Variants in CLIP2 observed in about 807,000 individuals in gnomAD.
CLIP2 encodes the protein CAP-Gly domain containing linker protein 2.
Under a neutral mutation model 111.7 loss-of-function variants are expected in CLIP2, and 41 were observed. That is an observed-to-expected ratio of 0.37 (90% CI 0.29 to 0.48). The LOEUF is 0.48. Ranked by LOEUF, CLIP2 falls within the 20% of genes least tolerant of loss-of-function variation. CLIP2 has a pLI of 0.99. For missense variants in CLIP2, 1,160 were observed against 1,422.1 expected (o/e 0.82, Z 2.96); for synonymous variants, 660 against 644.2 (o/e 1.02, Z -0.37).
chr7:74,333,393 A>G (rs1296209357), intron 2 of CLIP2, among the ~76,000 whole-genome samples: 1 of 152,036 alleles, frequency 6.6e-6, no homozygotes, highest in Non-Finnish European at 1.5e-5. Context: ...CATGTTGGCC[A>G]GGCTGGTCTC....
intron 13 of CLIP2, among the ~76,000 whole-genome samples, chr7:74,394,838 T>C (rs1466650929): frequency 6.6e-6 from 1 of 152,194 alleles, no homozygotes; most frequent in Non-Finnish European, 1.5e-5. Flanking sequence ...GTTCCAGGGC[T>C]GCCCTCCCTC....
chr7:74,319,164 C>A (rs1554729621), intron 2 of CLIP2, among the ~76,000 whole-genome samples: 1 of 151,938 alleles, frequency 6.6e-6, no homozygotes, highest in Admixed American at 6.6e-5. Flanking sequence ...AGGTGTTCCA[C>A]GTGGAGGGAA....
At chr7:74,383,467 G>C (rs921008860) in intron 11 of CLIP2, among the ~76,000 whole-genome samples, 5 of 152,062 alleles carry the variant, frequency 3.3e-5, no homozygotes, top group African/African-American at 1.2e-4. Flanking sequence ...TTTCTGGCAT[G>C]GCTTGTTCTT....
At chr7:74,380,734 C>T (rs1790918502) in intron 10 of CLIP2, 72 bp from the exon 11 acceptor site, 24 of 1,334,998 alleles carry the variant, frequency 1.8e-5, no homozygotes, top group Non-Finnish European at 2.5e-5. Context: ...TGCAGGTGTG[C>T]TTGCTGGGCT....
intron 13 of CLIP2, 53 bp from the exon 14 acceptor site, chr7:74,397,021 A>T (rs1791469500): frequency 8.8e-6 from 14 of 1,588,240 alleles, no homozygotes; most frequent in Admixed American, 1.7e-5. Context: ...AGAGTGTGGG[A>T]GCTGGAGGAG....
chr7:74,340,029 G>A (rs546832978), intron 3 of CLIP2, among the ~76,000 whole-genome samples: 19 of 152,102 alleles, frequency 1.2e-4, no homozygotes, highest in Non-Finnish European at 2.6e-4. Context: ...GGGAGGCAGA[G>A]GTTGCAGTGA....
At position 74,331,295 on chromosome 7, in the gene CLIP2, C is replaced by T. The variant is rs554333319; in HGVS notation, c.122-7153C>T. On this transcript the variant is annotated intron_variant, in intron 2 of 16. Coordinates refer to ENST00000223398, the MANE Select transcript of CLIP2 (RefSeq NM_003388.5). The stretch of plus-strand genomic sequence containing the variant: ...TAAATGAATTAGGAGTGATTTCTTC[C>T]GTGGAATTGCTAGACTGGGGGAAGG... Among the ~76,000 whole-genome samples, 4 of 149,806 alleles carry T rather than the reference C, an allele frequency of 2.7e-5. No individual in the cohort carries two copies. The South Asian group carries it at 8.5e-4, about 32-fold the overall frequency.
chr7:74,296,037 A>T, intron 1 of CLIP2, among the ~76,000 whole-genome samples: 1 of 151,948 alleles, frequency 6.6e-6, no homozygotes, highest in East Asian at 1.9e-4. Flanking sequence ...ATCAAGTTCA[A>T]ATGAGGTCAT....
rs782147973 is a variant in CLIP2 at position 74,376,498 on chromosome 7, G to T, written c.2097G>T (p.Leu699=). The part of the protein sequence containing the change: ...LQEAQEELAG[L]QRHWRAQLEV... ...AGGCCCAGGAGGAGCTGGCTGGGCT[G>T]CAGCGGCACTGGCGGGCCCAGCTGG... The change falls in exon 10 of 17, where the codon CTG becomes CTT. Residue 699 remains leucine, a synonymous_variant. Transcript: ENST00000223398. This position sits in a 1 kb window ranked among gnomAD's most constrained non-coding sequence, Gnocchi z 7.1. 2 of 1,611,852 alleles carry T rather than the reference G, an allele frequency of 1.2e-6. No homozygotes were observed. Among genetic ancestry groups the T allele is most frequent in the Non-Finnish European group, 1.7e-6 (2 of 1,179,398 alleles).
At chr7:74,379,963 A>T (rs377653541) in intron 10 of CLIP2, 1 of 152,268 alleles carries the variant, frequency 6.6e-6, no homozygotes, top group African/African-American at 2.4e-5. Context: ...AAAGAAAAAG[A>T]AAAATTTAGT....
chr7:74,387,236 T>TCG (rs1190387994), intron 12 of CLIP2, among the ~76,000 whole-genome samples: 1 of 151,390 alleles, frequency 6.6e-6, no homozygotes, highest in Admixed American at 6.6e-5. Context: ...TTCTGGTTTC[T>TCG]CTCTCTCTCT....
chr7:74,314,832 G>A (rs1164302853), intron 1 of CLIP2, among the ~76,000 whole-genome samples: 2 of 152,212 alleles, frequency 1.3e-5, no homozygotes, highest in Non-Finnish European at 2.9e-5. Context: ...TGGGGGGCTT[G>A]TCCACCCCTC....
At chr7:74,302,768 G>A (rs1372038602) in intron 1 of CLIP2, among the ~76,000 whole-genome samples, 1 of 152,200 alleles carries the variant, frequency 6.6e-6, no homozygotes, top group Non-Finnish European at 1.5e-5. Flanking sequence ...GAAGCCACGT[G>A]GGCTTGTGGA....
At chr7:74,304,382 T>C (rs957779782) in intron 1 of CLIP2, among the ~76,000 whole-genome samples, 4 of 151,498 alleles carry the variant, frequency 2.6e-5, no homozygotes, top group African/African-American at 9.7e-5. Context: ...AAAAATTAGC[T>C]GGGCATGATG....
chr7:74,401,393 G>C, intron 15 of CLIP2, 112 bp from the exon 16 acceptor site: 1 of 970,894 alleles, frequency 1.0e-6, no homozygotes. Flanking sequence ...AGGCTGAAGG[G>C]GTTGGAATTT....
intron 8 of CLIP2, among the ~76,000 whole-genome samples, chr7:74,364,531 G>A (rs1481854232): frequency 6.6e-6 from 1 of 152,196 alleles, no homozygotes; most frequent in Non-Finnish European, 1.5e-5. Context: ...TCAGCAGCTG[G>A]ATGGGGTGGG....
intron 3 of CLIP2, among the ~76,000 whole-genome samples, chr7:74,347,534 C>T (rs1003831826): frequency 3.3e-5 from 5 of 152,144 alleles, no homozygotes; most frequent in Admixed American, 2.0e-4. Flanking sequence ...TCCCAAAGTG[C>T]TGGGATTACA....
At chr7:74,370,603 C>A (rs1247495722) in intron 8 of CLIP2, among the ~76,000 whole-genome samples, 1 of 143,774 alleles carries the variant, frequency 7.0e-6, no homozygotes, top group African/African-American at 2.6e-5. Flanking sequence ...ACCCTCCCCC[C>A]CACCACCACC....
chr7:74,396,955 C>A, intron 13 of CLIP2, 119 bp from the exon 14 acceptor site: 1 of 1,282,436 alleles, frequency 7.8e-7, no homozygotes, highest in South Asian at 1.4e-5. Context: ...CAGATGCCAT[C>A]TAGTAGCCCA....
Sources: gnomAD v4.1 joint callset for allele counts (sites outside exome capture counted in the v4.1 genomes callset) on GRCh38, gnomAD v4.1.1 for gene constraint, Gnocchi (gnomAD v3.1) non-coding constraint, MANE v1.5 for transcripts, NCBI Gene and HGNC (gene_info 2026-07-23, HGNC 2026-07-21) for gene names.